The following CTNNA3 variants were observed in gnomAD, a reference collection of about 807,000 sequenced individuals.
CTNNA3 encodes the protein catenin alpha 3, also known as catenin alpha-3.
A neutral mutation model predicts 95.7 loss-of-function variants in CTNNA3; 76 were observed. The ratio of observed to expected loss-of-function variants is 0.79; its 90% CI spans 0.66 to 0.96. The LOEUF is 0.96. Among genes scored for constraint, CTNNA3 ranks in the 40% least tolerant of loss-of-function variants. The pLI is 0.00. For synonymous variants in CTNNA3, 431 were observed against 374.4 expected (o/e 1.15, Z -1.74); for missense variants, 1,191 against 1,089.8 (o/e 1.09, Z -1.31).
chr10:66,486,109 A>G (rs950859476), intron 11 of CTNNA3, among the ~76,000 whole-genome samples: 2 of 152,202 alleles, frequency 1.3e-5, no homozygotes, highest in African/African-American at 4.8e-5. Flanking sequence ...AAACTTTAAA[A>G]CTAACACAGG....
intron 7 of CTNNA3, among the ~76,000 whole-genome samples, chr10:67,061,403 G>A (rs1925590): frequency 0.78 from 118,732 of 152,134 alleles, 47,339 homozygotes; most frequent in African/African-American, 0.95. Flanking sequence ...TTTAGATGTG[G>A]TATCAGAGTT....
intron 9 of CTNNA3, among the ~76,000 whole-genome samples, chr10:66,664,519 T>C (rs1383059987): frequency 2.6e-5 from 4 of 152,044 alleles, no homozygotes; most frequent in Non-Finnish European, 5.9e-5. Context: ...GCTAGCCTAG[T>C]AGTTGTGAGC....
intron 15 of CTNNA3, among the ~76,000 whole-genome samples, chr10:66,040,810 A>G (rs1268942837): frequency 6.6e-6 from 1 of 152,172 alleles, no homozygotes; most frequent in East Asian, 1.9e-4. Context: ...AGGAATCTGT[A>G]CAACAAATCT....
At chr10:67,312,738 C>A (rs1209870027) in intron 5 of CTNNA3, among the ~76,000 whole-genome samples, 2 of 152,080 alleles carry the variant, frequency 1.3e-5, no homozygotes, top group Non-Finnish European at 2.9e-5. Context: ...GGGTGCTCAA[C>A]AAATATTTGA....
chr10:67,424,182 G>A (rs983372854), intron 5 of CTNNA3, among the ~76,000 whole-genome samples: 1 of 152,036 alleles, frequency 6.6e-6, no homozygotes, highest in Admixed American at 6.6e-5. Flanking sequence ...AGATAAAGGG[G>A]TCCCTGCTTC....
At chr10:67,326,254 T>C (rs1841534474) in intron 5 of CTNNA3, among the ~76,000 whole-genome samples, 1 of 152,224 alleles carries the variant, frequency 6.6e-6, no homozygotes, top group Non-Finnish European at 1.5e-5. Flanking sequence ...ATGTGTGGAT[T>C]TGATCCTGTC....
chr10:65,944,578 C>G (rs572625117), intron 17 of CTNNA3, among the ~76,000 whole-genome samples: 2 of 152,156 alleles, frequency 1.3e-5, no homozygotes, highest in African/African-American at 4.8e-5. Context: ...AGCCGCATCC[C>G]GTGTACATTG....
intron 10 of CTNNA3, among the ~76,000 whole-genome samples, chr10:66,592,315 A>G (rs768682267): frequency 1.9e-4 from 29 of 152,148 alleles, no homozygotes; most frequent in Non-Finnish European, 3.8e-4. Context: ...AGTTCCATAA[A>G]TGTCAGATTA....
intron 16 of CTNNA3, among the ~76,000 whole-genome samples, chr10:65,976,410 A>G (rs937578175): frequency 3.9e-5 from 6 of 152,162 alleles, no homozygotes; most frequent in Admixed American, 3.9e-4. Context: ...GTCTCTATCA[A>G]GAGACTCTTC....
intron 16 of CTNNA3, among the ~76,000 whole-genome samples, chr10:65,979,959 A>G (rs1409472695): frequency 1.3e-5 from 2 of 152,086 alleles, no homozygotes; most frequent in African/African-American, 4.8e-5. Flanking sequence ...AAGAAAATAA[A>G]TAACAAAGAT....
At chr10:67,248,251 C>T (rs546096893) in intron 5 of CTNNA3, among the ~76,000 whole-genome samples, 47 of 152,220 alleles carry the variant, frequency 3.1e-4, no homozygotes, top group East Asian at 2.1e-3. Context: ...GCAGGAGGAC[C>T]ACCTAAGCTT....
At chr10:67,070,059 A>G (rs1200181597) in intron 7 of CTNNA3, among the ~76,000 whole-genome samples, 2 of 152,148 alleles carry the variant, frequency 1.3e-5, no homozygotes, top group African/African-American at 4.8e-5. Flanking sequence ...TGACCAACAC[A>G]TATTTTCTGC....
intron 1 of CTNNA3, among the ~76,000 whole-genome samples, chr10:67,730,125 C>A (rs1161233793): frequency 6.6e-6 from 1 of 152,118 alleles, no homozygotes; most frequent in African/African-American, 2.4e-5. Flanking sequence ...TGTGGAGGGA[C>A]AATCTCAGTC....
At chr10:66,628,204 T>C (rs1406254209) in intron 9 of CTNNA3, among the ~76,000 whole-genome samples, 2 of 152,168 alleles carry the variant, frequency 1.3e-5, no homozygotes, top group African/African-American at 2.4e-5. Flanking sequence ...TATCTGGAAC[T>C]GAATCATTGT....
intron 5 of CTNNA3, among the ~76,000 whole-genome samples, chr10:67,371,602 C>A (rs1026473425): frequency 6.6e-6 from 1 of 152,140 alleles, no homozygotes; most frequent in Admixed American, 6.5e-5. Flanking sequence ...TGTATATGTG[C>A]CACATTTTCT....
chr10:66,527,866 C>T lies in CTNNA3; in HGVS notation c.1375-7093G>A, dbSNP rs371876347. On this transcript the variant is annotated intron_variant, in intron 10 of 17. Coordinates refer to ENST00000433211, the MANE Select transcript of CTNNA3 (RefSeq NM_013266.4). ...GGATTTTCTAAATATAAGAGTATGTCATCACTGAACAGTGATAATTTTATT... is the reference window on the plus strand; with the variant it reads ...GGATTTTCTAAATATAAGAGTATGTTATCACTGAACAGTGATAATTTTATT... Among the ~76,000 whole-genome samples, 55 of 152,138 alleles carry T rather than the reference C, an allele frequency of 3.6e-4. 1 individual carries two copies. The South Asian group carries it at 0.011, about 31-fold the overall frequency.
intron 14 of CTNNA3, among the ~76,000 whole-genome samples, chr10:66,074,238 T>C (rs2080501521): frequency 4.0e-5 from 6 of 151,810 alleles, no homozygotes; most frequent in Admixed American, 3.3e-4. Context: ...TATATATATA[T>C]ATTTCTATAA....
intron 5 of CTNNA3, among the ~76,000 whole-genome samples, chr10:67,466,745 T>C (rs1310464458): frequency 6.6e-6 from 1 of 152,202 alleles, no homozygotes; most frequent in Non-Finnish European, 1.5e-5. Flanking sequence ...GACATGCCTA[T>C]AAAATTGTTT....
At chr10:66,383,571 A>G (rs1436550329) in intron 11 of CTNNA3, among the ~76,000 whole-genome samples, 4 of 152,188 alleles carry the variant, frequency 2.6e-5, no homozygotes, top group Admixed American at 6.5e-5. Context: ...GCAGGCCAAC[A>G]TTCAAATTCA....
Sources: gnomAD v4.1 joint callset for allele counts (sites outside exome capture counted in the v4.1 genomes callset) on GRCh38, gnomAD v4.1.1 for gene constraint, MANE v1.5 for transcripts, NCBI Gene and HGNC (gene_info 2026-07-23, HGNC 2026-07-21) for gene names.